The following CNTNAP5 variants were observed in gnomAD, a reference collection of about 807,000 sequenced individuals.
The protein encoded by CNTNAP5 is contactin-associated protein-like 5.
Under a neutral mutation model 150.2 loss-of-function variants are expected in CNTNAP5, and 72 were observed. The ratio of observed to expected loss-of-function variants is 0.48; its 90% CI spans 0.40 to 0.58. The LOEUF (loss-of-function observed/expected upper bound fraction) is 0.58, where lower values mean the gene tolerates loss of function less well. CNTNAP5 is among the 20% of genes least tolerant of loss of function. CNTNAP5 has a pLI of 0.00. For synonymous variants in CNTNAP5, 672 were observed against 619.8 expected (o/e 1.08, Z -1.25); for missense variants, 1,636 against 1,626.2 (o/e 1.01, Z -0.10).
intron 11 of CNTNAP5, among the ~76,000 whole-genome samples, chr2:124,564,962 G>A (rs189121604): frequency 3.2e-4 from 48 of 152,300 alleles, no homozygotes; most frequent in African/African-American, 9.9e-4. Flanking sequence ...AGTTCTCTCC[G>A]GTTTTTCTTA....
rs573264579 is a variant in CNTNAP5, at chr2:124,918,153, G to A, written c.*3865G>A. Among the ~76,000 whole-genome samples, 1 of 152,104 alleles carries A rather than the reference G, an allele frequency of 6.6e-6. No individual in the cohort carries two copies. The highest frequency in any genetic ancestry group is 1.9e-4 in the East Asian group (1 of 5,134). On this transcript the variant is annotated 3_prime_UTR_variant, in exon 24 of 24. Coordinates refer to ENST00000682447, the MANE Select transcript of CNTNAP5 (RefSeq NM_001367498.1). ...GGATTCCAAAAGTCTTGCCTCCCAT[G>A]AGTTGGACCTAAGAGTGTCCACTTT...
intron 3 of CNTNAP5, among the ~76,000 whole-genome samples, chr2:124,345,285 C>G (rs1221690728): frequency 6.6e-6 from 1 of 152,162 alleles, no homozygotes; most frequent in African/African-American, 2.4e-5. Context: ...TCAGAATATT[C>G]ATTTTTCATC....
chr2:124,875,535 A>G (rs1677836216), intron 21 of CNTNAP5, among the ~76,000 whole-genome samples: 1 of 152,078 alleles, frequency 6.6e-6, no homozygotes, highest in South Asian at 2.1e-4. Flanking sequence ...TGGTAAAATG[A>G]GGATAGTAAT....
chr2:124,488,046 A>C (rs1693930873), intron 7 of CNTNAP5, among the ~76,000 whole-genome samples: 1 of 152,216 alleles, frequency 6.6e-6, no homozygotes. Flanking sequence ...TAAGCTAATA[A>C]ATATCTTGTA....
intron 10 of CNTNAP5, among the ~76,000 whole-genome samples, chr2:124,558,950 A>G (rs1695824194): frequency 6.6e-6 from 1 of 152,230 alleles, no homozygotes. Flanking sequence ...ACAACATCCT[A>G]CAAAATCTTA....
At chr2:124,039,569 T>G (rs1034054156) in intron 1 of CNTNAP5, among the ~76,000 whole-genome samples, 1 of 152,150 alleles carries the variant, frequency 6.6e-6, no homozygotes, top group African/African-American at 2.4e-5. Flanking sequence ...GTGATGAAAG[T>G]ATACAAATTA....
chr2:124,669,712 G>A (rs1301112703), intron 13 of CNTNAP5, among the ~76,000 whole-genome samples: 1 of 152,138 alleles, frequency 6.6e-6, no homozygotes, highest in Admixed American at 6.5e-5. Flanking sequence ...TTTGTAAATA[G>A]CAAGTCATTC....
intron 1 of CNTNAP5, among the ~76,000 whole-genome samples, chr2:124,030,317 G>A (rs2104619551): frequency 6.6e-6 from 1 of 152,064 alleles, no homozygotes; most frequent in East Asian, 1.9e-4. Flanking sequence ...ACCTCATATT[G>A]TGTCCACATA....
intron 21 of CNTNAP5, among the ~76,000 whole-genome samples, chr2:124,896,076 T>C (rs1018397257): frequency 2.0e-5 from 3 of 151,542 alleles, no homozygotes; most frequent in Non-Finnish European, 2.9e-5. Context: ...GTTTTAGGTA[T>C]CAAAATGCTG....
chr2:124,038,202 G>A (rs1272920070), intron 1 of CNTNAP5, among the ~76,000 whole-genome samples: 2 of 152,204 alleles, frequency 1.3e-5, no homozygotes, highest in Non-Finnish European at 2.9e-5. Flanking sequence ...CCCGTTGGTA[G>A]GCAAGGACCA....
At chr2:124,786,402 G>GGAAA (rs1681585011) in intron 17 of CNTNAP5, among the ~76,000 whole-genome samples, 3 of 54,266 alleles carry the variant, frequency 5.5e-5, no homozygotes, top group African/African-American at 2.6e-4. Flanking sequence ...AAAGAAAGAA[G>GGAAA]GAAGGAAGGA....
chr2:124,745,021 T>A lies in CNTNAP5; in HGVS notation c.2078-2208T>A, dbSNP rs906394527. 3.9e-5 allele frequency among the ~76,000 whole-genome samples: 6 copies of A among 152,312 alleles called. No homozygotes were observed. In the East Asian group the frequency reaches 1.2e-3, roughly 29 times the overall value. ...GTTTCAACTTTTAAACTTCTCAACC[T>A]TTAAGCCAGACATTAGGAGGGAGGC... On this transcript the variant is annotated intron_variant, in intron 13 of 23. Coordinates refer to ENST00000682447, the MANE Select transcript of CNTNAP5 (RefSeq NM_001367498.1).
At chr2:124,566,550 C>A (rs1388218708) in intron 11 of CNTNAP5, among the ~76,000 whole-genome samples, 3 of 152,160 alleles carry the variant, frequency 2.0e-5, no homozygotes, top group Non-Finnish European at 2.9e-5. Flanking sequence ...TTTTTTAACA[C>A]CTTCCTATTT....
chr2:124,239,024 T>G (rs1686818086), intron 2 of CNTNAP5, among the ~76,000 whole-genome samples: 1 of 152,198 alleles, frequency 6.6e-6, no homozygotes. Context: ...ACTCTTGGGC[T>G]CAGAAAATTT....
In CNTNAP5 at chr2:124,164,092, C is replaced by A. The variant is rs181390035; in HGVS notation, c.83-57613C>A. Among the ~76,000 whole-genome samples, 3 of 152,170 alleles carry A rather than the reference C, an allele frequency of 2.0e-5. No individual in the cohort carries two copies. The East Asian group carries it at 5.8e-4, about 29-fold the overall frequency. On this transcript the variant is annotated intron_variant, in intron 1 of 23. Coordinates refer to ENST00000682447, the MANE Select transcript of CNTNAP5 (RefSeq NM_001367498.1). ...GCTCTGAAAACACTAAAATGCATGCCAAATGTTAGAGAATGTACATGCACT... is the reference window on the plus strand; with the variant it reads ...GCTCTGAAAACACTAAAATGCATGCAAAATGTTAGAGAATGTACATGCACT...
At chr2:124,874,024 G>GT (rs1175565921) in intron 21 of CNTNAP5, among the ~76,000 whole-genome samples, 1 of 151,924 alleles carries the variant, frequency 6.6e-6, no homozygotes, top group East Asian at 1.9e-4. Context: ...AAATAAAGCA[G>GT]TTTTTTGTTT....
intron 12 of CNTNAP5, among the ~76,000 whole-genome samples, chr2:124,620,770 CACACAT>C (rs1044213000): frequency 2.6e-5 from 4 of 151,142 alleles, no homozygotes; most frequent in Middle Eastern, 3.2e-3. Context: ...CACACACACA[CACACAT>C]ATATATGCAA....
rs1434635894 is a variant in CNTNAP5, at chr2:124,256,068, A to C, written c.381+13675A>C. On this transcript the variant is annotated intron_variant, in intron 3 of 23. Coordinates refer to ENST00000682447, the MANE Select transcript of CNTNAP5 (RefSeq NM_001367498.1). ...GCTTGTGCTGGGGTCCTAAGAGATA[A>C]GGCTTGATAGATATATTGGCTGATG... Among the ~76,000 whole-genome samples the C allele has an allele frequency of 2.0e-5, 3 of 152,282 alleles. No homozygotes were observed. In the East Asian group the frequency reaches 5.8e-4, roughly 29 times the overall value.
intron 1 of CNTNAP5, among the ~76,000 whole-genome samples, chr2:124,142,754 T>C (rs1369448863): frequency 7.2e-6 from 1 of 138,334 alleles, no homozygotes; most frequent in Admixed American, 7.2e-5. Context: ...GCAAACACAT[T>C]CAAAAGCTAG....
Sources: allele counts gnomAD v4.1 joint callset (sites outside exome capture counted in the v4.1 genomes callset), GRCh38; gene constraint gnomAD v4.1.1; transcripts MANE v1.5; gene names NCBI Gene and HGNC (gene_info 2026-07-23, HGNC 2026-07-21).